ZKSCAN5: variants seen among roughly 807,000 people sequenced by gnomAD.
ZKSCAN5 encodes zinc finger with KRAB and SCAN domains 5.
Under a neutral mutation model 60.0 loss-of-function variants are expected in ZKSCAN5, and 28 were observed. The ratio of observed to expected loss-of-function variants is 0.47; its 90% CI spans 0.35 to 0.64. ZKSCAN5 has a LOEUF of 0.64. Among genes scored for constraint, ZKSCAN5 ranks in the 30% least tolerant of loss-of-function variants. The probability of loss-of-function intolerance (pLI) is 0.01; values close to 1 mark genes in which losing one functional copy is unlikely to be tolerated. For synonymous variants in ZKSCAN5, 361 were observed against 371.2 expected, an observed-to-expected ratio of 0.97 and a Z score of 0.31; for missense variants, 881 against 1,034.6, an observed-to-expected ratio of 0.85 and a Z score of 2.04.
intron 3 of ZKSCAN5, among the ~76,000 whole-genome samples, chr7:99,517,325 A>G (rs564363096): frequency 6.6e-6 from 1 of 151,972 alleles, no homozygotes; most frequent in East Asian, 2.0e-4. Context: ...CAGCCTCCCA[A>G]AGTGCTGGGA....
Position 99,531,179 on chromosome 7 carries a change from A to G in ZKSCAN5, c.1450A>G (p.Met484Val), listed in dbSNP as rs142114465. The change falls in exon 7 of 7, where the codon ATG becomes GTG. Residue 484 changes from methionine (M) to valine (V), a missense_variant. Physicochemically the swap from Met to Val is conservative, Grantham distance 21 (BLOSUM62 1). Around this residue, in one of 5 missense-constraint regions of ZKSCAN5, gnomAD observed 490 missense variants for 554.5 expected, o/e 0.88. Coordinates refer to ENST00000326775, the MANE Select transcript of ZKSCAN5 (RefSeq NM_145102.4). ...AATTTCAGAATATTCAGAAGCAGAC[A>G]TGGAACTATCTGGAAAAACCCAAAG... ...KKISEYSEAD[M>V]ELSGKTQRNV... The G allele has an allele frequency of 8.1e-6, 13 of 1,613,830 alleles. No individual in the cohort carries two copies. Among genetic ancestry groups the G allele is most frequent in the African/African-American group, 2.7e-5 (2 of 75,046 alleles).
chr7:99,524,074 T>G (rs1801664811), intron 5 of ZKSCAN5, among the ~76,000 whole-genome samples: 1 of 150,464 alleles, frequency 6.6e-6, no homozygotes, highest in Non-Finnish European at 1.5e-5. Context: ...TCCCTGGGTT[T>G]TTTTTTTTTT....
chr7:99,522,812 T>G (rs2151110230), intron 5 of ZKSCAN5, among the ~76,000 whole-genome samples: 1 of 151,838 alleles, frequency 6.6e-6, no homozygotes, highest in East Asian at 2.0e-4. Context: ...TGGGAGAAAT[T>G]TTCAGCATAT....
chr7:99,531,496 C>T lies in ZKSCAN5; in HGVS notation c.1767C>T (p.Arg589=), dbSNP rs116057124. The change falls in exon 7 of 7, where the codon CGC becomes CGT. Residue 589 remains arginine, a synonymous_variant. Transcript: ENST00000326775. ...AATGTGGGAAAAGCTACAACCAACG[C>T]GTGCACCTAACTCAGCATCAGCGCG... The part of the protein sequence containing the change: ...CEECGKSYNQ[R]VHLTQHQRVH... 6.1e-5 allele frequency: 99 copies of T among 1,614,192 alleles called. No homozygotes were observed. In the African/African-American group the frequency reaches 1.0e-3, roughly 17 times the overall value.
intron 1 of ZKSCAN5, chr7:99,505,316 A>G (rs1584157158): frequency 1.3e-5 from 2 of 152,166 alleles, no homozygotes; most frequent in Non-Finnish European, 1.5e-5. Context: ...TCTCCGTGGG[A>G]AGAACCGCAT....
rs537320129 is a variant in ZKSCAN5 at position 99,514,006 on chromosome 7, C to T, written c.553+1415C>T. On this transcript the variant is annotated intron_variant, in intron 3 of 6. Transcript: ENST00000326775. ...GTTGCAGTGAGCTGAGACCGTGGCA[C>T]TGGACTCCAGCCTGGGCAACAAGAG... 3.3e-5 allele frequency among the ~76,000 whole-genome samples: 5 copies of T among 152,248 alleles called. No homozygotes were observed. In the East Asian group the frequency reaches 7.7e-4, roughly 24 times the overall value.
At chr7:99,520,087 T>C in intron 4 of ZKSCAN5, 82 bp from the exon 5 acceptor site, 3 of 1,565,448 alleles carry the variant, frequency 1.9e-6, no homozygotes, top group Non-Finnish European at 1.7e-6. Context: ...CCCCTGTTTC[T>C]TTTCTTAATG....
At chr7:99,530,020 C>T (rs920762401) in intron 6 of ZKSCAN5, among the ~76,000 whole-genome samples, 1 of 145,272 alleles carries the variant, frequency 6.9e-6, no homozygotes, top group African/African-American at 2.6e-5. Context: ...AGGCGTGAGC[C>T]ACCTGCACCC....
Position 99,519,847 on chromosome 7 carries a change from C to T in ZKSCAN5, c.574C>T (p.Pro192Ser). Residue 192 changes from proline to serine, a missense_variant, in exon 4 of 7, where the codon CCT (proline) becomes TCT (serine). Around this residue, in one of 5 missense-constraint regions of ZKSCAN5, gnomAD observed 490 missense variants for 554.5 expected, o/e 0.88. Coordinates refer to ENST00000326775, the MANE Select transcript of ZKSCAN5 (RefSeq NM_145102.4). ...CTTAGCCCTTCCTGTTCTCCAAGTT[C>T]CTTCCCTTCCCCTGAAGGACAGCCA... ...EENALPVLQVPSLPLKDSQEL... is the reference protein window; with the variant it reads ...EENALPVLQVSSLPLKDSQEL... 1 of 1,614,064 alleles carries T rather than the reference C, an allele frequency of 6.2e-7. No homozygotes were observed. The highest frequency in any genetic ancestry group is 8.5e-7 in the Non-Finnish European group (1 of 1,180,036).
intron 2 of ZKSCAN5, 101 bp from the exon 3 acceptor site, chr7:99,512,352 A>G (rs958975762): frequency 2.8e-6 from 4 of 1,453,792 alleles, no homozygotes; most frequent in African/African-American, 1.4e-5. Context: ...TGCACATTAA[A>G]TATTTGGCAA....
chr7:99,507,267 C>T (rs1800778873), intron 2 of ZKSCAN5, among the ~76,000 whole-genome samples: 2 of 152,068 alleles, frequency 1.3e-5, no homozygotes, highest in Non-Finnish European at 2.9e-5. Context: ...GCAGCTATCT[C>T]ACTCTCTGAA....
At chr7:99,514,046 A>G (rs929092417) in intron 3 of ZKSCAN5, among the ~76,000 whole-genome samples, 7 of 152,256 alleles carry the variant, frequency 4.6e-5, no homozygotes, top group African/African-American at 7.2e-5. Flanking sequence ...ACTCCGTCTC[A>G]AAAAAGAAAA....
In ZKSCAN5 at chr7:99,520,184, G is replaced by T. The variant is rs754032420; in HGVS notation, c.652G>T (p.Glu218Ter). The change falls in exon 5 of 7, where the codon GAA (glutamate) becomes TAA (stop). Residue 218 changes from glutamate to a stop codon, truncating the protein, a stop_gained. Coordinates refer to ENST00000326775, the MANE Select transcript of ZKSCAN5 (RefSeq NM_145102.4). LOFTEE classifies it high-confidence loss of function. ...STGSQKLVKI[E>*]EVADVAVSFI... ...CCTGTTTCAGAAGTTGGTGAAAATT[G>T]AAGAGGTGGCTGATGTGGCTGTATC... The T allele has an allele frequency of 1.9e-6, 3 of 1,612,820 alleles. No homozygotes were observed. In the East Asian group the frequency reaches 6.7e-5, roughly 36 times the overall value.
intron 2 of ZKSCAN5, among the ~76,000 whole-genome samples, chr7:99,507,652 C>G (rs1208394255): frequency 6.6e-6 from 1 of 151,154 alleles, no homozygotes; most frequent in African/African-American, 2.4e-5. Context: ...GTAATCCCAG[C>G]ATTTTGGGCA....
chr7:99,524,948 C>A (rs930435494), intron 5 of ZKSCAN5, among the ~76,000 whole-genome samples: 13 of 151,860 alleles, frequency 8.6e-5, no homozygotes, highest in African/African-American at 3.1e-4. Flanking sequence ...GCGGGCAGAT[C>A]ACTAGGTCAG....
At chr7:99,513,684 C>T (rs184109908) in intron 3 of ZKSCAN5, 19 of 235,018 alleles carry the variant, frequency 8.1e-5, no homozygotes, top group South Asian at 1.9e-4. Flanking sequence ...TGAGCCACTG[C>T]GCTCAGCCTC....
chr7:99,515,337 G>C (rs1801214913), intron 3 of ZKSCAN5, among the ~76,000 whole-genome samples: 1 of 151,758 alleles, frequency 6.6e-6, no homozygotes, highest in Admixed American at 6.6e-5. Flanking sequence ...AACACGGGAG[G>C]CAGAGGTTGC....
chr7:99,532,065 G>C lies in ZKSCAN5; in HGVS notation c.2336G>C (p.Gly779Ala), dbSNP rs2151120754. Residue 779 changes from glycine to alanine, a missense_variant, in exon 7 of 7, where the codon GGC (glycine) becomes GCC (alanine). Physicochemically the swap from Gly to Ala is moderately conservative, Grantham distance 60 (BLOSUM62 0). Around this residue, in one of 5 missense-constraint regions of ZKSCAN5, gnomAD observed 138 missense variants for 143.8 expected, o/e 0.96. Transcript: ENST00000326775. ...AAATCCCATCAATGTCATGAATGTGGCAGAGGCTTCACTCTGAAGTCACAT... is the reference window on the plus strand; with the variant it reads ...AAATCCCATCAATGTCATGAATGTGCCAGAGGCTTCACTCTGAAGTCACAT... ...STKSHQCHECGRGFTLKSHLN... is the reference protein window; with the variant it reads ...STKSHQCHECARGFTLKSHLN... 6.2e-7 allele frequency: 1 copy of C among 1,614,184 alleles called. No individual in the cohort carries two copies. Among genetic ancestry groups the C allele is most frequent in the South Asian group, 1.1e-5 (1 of 91,074 alleles).
In ZKSCAN5 at chr7:99,519,844, G is replaced by T. The variant is rs1584188076; in HGVS notation, c.571G>T (p.Val191Phe). ...TCCCTTAGCCCTTCCTGTTCTCCAA[G>T]TTCCTTCCCTTCCCCTGAAGGACAG... ...LEENALPVLQ[V>F]PSLPLKDSQE... Residue 191 changes from valine to phenylalanine, a missense_variant, in exon 4 of 7, where the codon GTT (valine) becomes TTT (phenylalanine). Physicochemically the swap from Val to Phe is conservative, Grantham distance 50. Coordinates refer to ENST00000326775, the MANE Select transcript of ZKSCAN5 (RefSeq NM_145102.4). 5 of 1,613,972 alleles carry T rather than the reference G, an allele frequency of 3.1e-6. No individual in the cohort carries two copies. The highest frequency in any genetic ancestry group is 3.4e-6 in the Non-Finnish European group (4 of 1,180,012).
Sources: allele counts gnomAD v4.1 joint callset (sites outside exome capture counted in the v4.1 genomes callset), GRCh38; gene constraint gnomAD v4.1.1; regional missense constraint gnomAD v4.1.1; transcripts MANE v1.5; gene names NCBI Gene and HGNC (gene_info 2026-07-23, HGNC 2026-07-21).